The following LARP1 variants were observed in gnomAD, a reference collection of about 807,000 sequenced individuals.
LARP1 encodes the protein la-related protein 1.
LARP1 carries 36 observed loss-of-function variants against 122.7 expected under a neutral mutation model. That is an observed-to-expected ratio of 0.29 (90% confidence interval 0.22 to 0.39). The LOEUF is 0.39. LARP1 is among the 10% of genes least tolerant of loss of function. The pLI is 1.00. For synonymous variants in LARP1, 539 were observed against 528.7 expected (o/e 1.02, Z -0.27); for missense variants, 1,040 against 1,403.6 (o/e 0.74, Z 4.14).
At chr5:154,770,320 C>T (rs961199769) in intron 1 of LARP1, among the ~76,000 whole-genome samples, 2 of 151,876 alleles carry the variant, frequency 1.3e-5, no homozygotes, top group African/African-American at 4.8e-5. Flanking sequence ...GTATTTCCTC[C>T]TCACTTCTCA....
intron 1 of LARP1, among the ~76,000 whole-genome samples, chr5:154,734,394 G>A (rs1407513033): frequency 6.6e-6 from 1 of 152,118 alleles, no homozygotes; most frequent in Non-Finnish European, 1.5e-5. Flanking sequence ...AATTTTAATT[G>A]TTTTAATAAG....
intron 1 of LARP1, among the ~76,000 whole-genome samples, chr5:154,725,905 A>G (rs1173367303): frequency 6.6e-6 from 1 of 152,072 alleles, no homozygotes; most frequent in Non-Finnish European, 1.5e-5. Flanking sequence ...CAGTGGTACA[A>G]TCTCGGCTCA....
intron 1 of LARP1, among the ~76,000 whole-genome samples, chr5:154,768,947 T>G (rs1173794550): frequency 6.6e-6 from 1 of 152,204 alleles, no homozygotes; most frequent in African/African-American, 2.4e-5. Context: ...GTTCAAGCAA[T>G]TCTCCTGTGT....
At chr5:154,768,592 ATTTAT>A (rs1305133185) in intron 1 of LARP1, among the ~76,000 whole-genome samples, 3 of 151,986 alleles carry the variant, frequency 2.0e-5, no homozygotes, top group Non-Finnish European at 2.9e-5. Flanking sequence ...TTATTTATTT[ATTTAT>A]TTGAGACGAA....
chr5:154,778,420 A>G (rs1756111997), intron 1 of LARP1, among the ~76,000 whole-genome samples: 1 of 152,194 alleles, frequency 6.6e-6, no homozygotes, highest in South Asian at 2.1e-4. Context: ...TACCTAGCAG[A>G]TTCCTGACTC....
intron 5 of LARP1, 21 bp from the exon 6 acceptor site, chr5:154,793,779 C>T (rs1303942557): frequency 9.3e-6 from 15 of 1,614,054 alleles, no homozygotes; most frequent in Non-Finnish European, 1.2e-5. Context: ...CAGGCCTGAC[C>T]TGGTACCCCT....
rs112867898 is a variant in LARP1, at chr5:154,726,028, C to G, written c.205+12898C>G. Among the ~76,000 whole-genome samples, 533 of 151,792 alleles carry G rather than the reference C, an allele frequency of 3.5e-3. 1 individual carries two copies. Among genetic ancestry groups the G allele is most frequent in the African/African-American group, 0.013 (519 of 41,400 alleles). ...CTAATTTTTGTATTTTTAGTAGAGACGGGTTATCTCCATGTTGCCCAGGCT... is the reference window on the plus strand; with the variant it reads ...CTAATTTTTGTATTTTTAGTAGAGAGGGGTTATCTCCATGTTGCCCAGGCT... On this transcript the variant is annotated intron_variant, in intron 1 of 18. Coordinates refer to the LARP1 transcript ENST00000336314.
rs1758442694 is a variant in LARP1 at position 154,802,643 on chromosome 5, T to C, written c.2109+244T>C. On this transcript the variant is annotated intron_variant, in intron 11 of 18. Transcript: ENST00000518297. This position sits in a 1 kb window ranked among gnomAD's most constrained non-coding sequence, Gnocchi z 5.1. ...GATTATTATCCTATCTGCGGATCCA[T>C]AGTTAATATTCTGACAGTTGGCTAG... Among the ~76,000 whole-genome samples the C allele has an allele frequency of 6.6e-6, 1 of 152,200 alleles. No homozygotes were observed. Among genetic ancestry groups the C allele is most frequent in the African/African-American group, 2.4e-5 (1 of 41,442 alleles).
In LARP1 at chr5:154,816,941, C is replaced by A. The variant is rs1338809837; in HGVS notation, c.*2845C>A. 6.6e-6 allele frequency: 1 copy of A among 152,210 alleles called. No homozygotes were observed. The highest frequency in any genetic ancestry group is 1.5e-5 in the Non-Finnish European group (1 of 68,062). The allele number at this position is 152,210 out of a possible 1,614,324, so 9.4% of individuals were successfully genotyped here. A position where few individuals can be genotyped will look rare whatever the true frequency, so the allele number is the denominator to read the frequency against. Reference sequence around the variant, plus strand: ...CCATCCAGCCGTGCCCCAGCCTGGACCCCTGGGGCTCAGATAGAGGTGCTG... The same window carrying A: ...CCATCCAGCCGTGCCCCAGCCTGGAACCCTGGGGCTCAGATAGAGGTGCTG... On this transcript the variant is annotated 3_prime_UTR_variant, in exon 19 of 19. Transcript: ENST00000518297.
chr5:154,773,389 T>C (rs1755601521), intron 1 of LARP1, among the ~76,000 whole-genome samples: 1 of 151,922 alleles, frequency 6.6e-6, no homozygotes, highest in African/African-American at 2.4e-5. Flanking sequence ...GAGAGAAAGG[T>C]TAAGGAACTG....
At chr5:154,789,666 AAT>A (rs528901571) in intron 1 of LARP1, among the ~76,000 whole-genome samples, 27 of 152,186 alleles carry the variant, frequency 1.8e-4, no homozygotes, top group Non-Finnish European at 3.2e-4. Context: ...TGAAGTTATA[AAT>A]AATATTTTAG....
At position 154,793,888 on chromosome 5, in the gene LARP1, G is replaced by A. The variant is rs535252329; in HGVS notation, c.957G>A (p.Gln319=). The change falls in exon 6 of 19, where the codon CAG becomes CAA. Residue 319 remains glutamine, a synonymous_variant. Coordinates refer to ENST00000518297, the MANE Select transcript of LARP1 (RefSeq NM_033551.3). ...AACCGGAGCCTGCCTGGCACGACCA[G>A]GATGAGACATCGAGTGTGAAGAGTG... ...EIKPEPAWHD[Q]DETSSVKSDG... 2.5e-6 allele frequency: 4 copies of A among 1,614,174 alleles called. No homozygotes were observed. The South Asian group carries it at 4.4e-5, about 18-fold the overall frequency.
At chr5:154,783,201 G>C (rs1756596954) in intron 1 of LARP1, among the ~76,000 whole-genome samples, 1 of 152,188 alleles carries the variant, frequency 6.6e-6, no homozygotes, top group South Asian at 2.1e-4. Flanking sequence ...ATCCATGTCA[G>C]CTGGATCCCC....
At chr5:154,779,505 CT>C (rs11339301) in intron 1 of LARP1, among the ~76,000 whole-genome samples, 6,386 of 123,168 alleles carry the variant, frequency 0.052, 236 homozygotes, top group African/African-American at 0.13. Flanking sequence ...TACATTCTCT[CT>C]TTTTTTTTTT....
chr5:154,807,228 C>A (rs985803187), intron 15 of LARP1, among the ~76,000 whole-genome samples: 3 of 152,154 alleles, frequency 2.0e-5, no homozygotes, highest in African/African-American at 7.2e-5. Flanking sequence ...TTTTGTGTAT[C>A]CATTCATCAG....
chr5:154,805,830 G>A (rs1230122293), intron 14 of LARP1, 51 bp from the exon 15 acceptor site: 4 of 1,588,580 alleles, frequency 2.5e-6, no homozygotes, highest in East Asian at 2.2e-5. Context: ...TCCTGACATG[G>A]TGGGGCTGCT....
intron 8 of LARP1, among the ~76,000 whole-genome samples, chr5:154,797,463 C>T (rs1256160003): frequency 6.6e-6 from 1 of 151,698 alleles, no homozygotes; most frequent in African/African-American, 2.4e-5. Flanking sequence ...GAACTCCTGA[C>T]CTCAGGTGAT....
At chr5:154,758,739 T>A (rs888383530) in intron 1 of LARP1, among the ~76,000 whole-genome samples, 1 of 152,266 alleles carries the variant, frequency 6.6e-6, no homozygotes, top group Non-Finnish European at 1.5e-5. Flanking sequence ...CAAAGCTTGC[T>A]GTAAATGCCT....
chr5:154,715,408 G>C (rs1291010674), intron 1 of LARP1, among the ~76,000 whole-genome samples: 2 of 151,478 alleles, frequency 1.3e-5, no homozygotes, highest in Non-Finnish European at 2.9e-5. Flanking sequence ...GGGATTACAG[G>C]CATGTGCCAC....
Sources: gnomAD v4.1 joint callset for allele counts (sites outside exome capture counted in the v4.1 genomes callset) on GRCh38, gnomAD v4.1.1 for gene constraint, Gnocchi (gnomAD v3.1) non-coding constraint, MANE v1.5 for transcripts, NCBI Gene and HGNC (gene_info 2026-07-23, HGNC 2026-07-21) for gene names.